RAB1A: variants seen among roughly 807,000 people sequenced by gnomAD.
RAB1A encodes ras-related protein Rab-1A.
In RAB1A, 2 loss-of-function variants were observed where a neutral mutation model predicts 26.0. That is an observed-to-expected ratio of 0.08 (90% confidence interval 0.03 to 0.24). The LOEUF (loss-of-function observed/expected upper bound fraction) is 0.24, where lower values mean the gene tolerates loss of function less well. RAB1A is among the 10% of genes least tolerant of loss of function. The pLI, the probability that RAB1A is intolerant of heterozygous loss-of-function variation, is 1.00. For missense variants in RAB1A, 100 were observed against 247.0 expected, an observed-to-expected ratio of 0.40 and a Z score of 3.99; for synonymous variants, 84 against 84.9, an observed-to-expected ratio of 0.99 and a Z score of 0.06.
At chr2:65,119,300 G>T (rs1020899768) in intron 1 of RAB1A, among the ~76,000 whole-genome samples, 39 of 152,168 alleles carry the variant, frequency 2.6e-4, no homozygotes, top group African/African-American at 7.7e-4. Context: ...GAGGTCAGGA[G>T]TTCGAGACCA....
chr2:65,101,070 C>G (rs919609015), intron 2 of RAB1A, among the ~76,000 whole-genome samples: 1 of 151,068 alleles, frequency 6.6e-6, no homozygotes, highest in Non-Finnish European at 1.5e-5. Flanking sequence ...CACTTGAACC[C>G]GGGAGGTGGG....
intron 3 of RAB1A, among the ~76,000 whole-genome samples, chr2:65,092,410 G>A (rs1459128044): frequency 6.6e-6 from 1 of 152,154 alleles, no homozygotes; most frequent in African/African-American, 2.4e-5. Flanking sequence ...TCACCTAACA[G>A]TTTCTTCATC....
Position 65,090,964 on chromosome 2 carries a change from A to C in RAB1A, c.288+19T>G. ...CTTCCTACTTGGTCACTGTAACACAATCTCCTCTTGGAACTTACCTGATCT... is the reference window on the plus strand; with the variant it reads ...CTTCCTACTTGGTCACTGTAACACACTCTCCTCTTGGAACTTACCTGATCT... On this transcript the variant is annotated intron_variant, in intron 4 of 5. Transcript: ENST00000409784. 1 of 1,557,662 alleles carries C rather than the reference A, an allele frequency of 6.4e-7. No homozygotes were observed. Among genetic ancestry groups the C allele is most frequent in the Non-Finnish European group, 8.8e-7 (1 of 1,134,142 alleles).
At chr2:65,090,293 AT>A (rs1321553669) in intron 4 of RAB1A, among the ~76,000 whole-genome samples, 1 of 152,112 alleles carries the variant, frequency 6.6e-6, no homozygotes, top group African/African-American at 2.4e-5. Context: ...GAGATTTAAC[AT>A]TTGCCAAAAG....
At chr2:65,116,744 A>AC (rs1669836922) in intron 1 of RAB1A, among the ~76,000 whole-genome samples, 1 of 152,258 alleles carries the variant, frequency 6.6e-6, no homozygotes, top group Non-Finnish European at 1.5e-5. Context: ...ATCTAAAGTT[A>AC]AAGTTTAAAA....
chr2:65,117,540 T>C (rs1281227040), intron 1 of RAB1A, among the ~76,000 whole-genome samples: 2 of 152,056 alleles, frequency 1.3e-5, no homozygotes, highest in Non-Finnish European at 2.9e-5. Flanking sequence ...AAAATGTTAG[T>C]GCCTAATTAC....
intron 2 of RAB1A, among the ~76,000 whole-genome samples, chr2:65,098,794 T>C (rs1295285101): frequency 6.6e-6 from 1 of 150,620 alleles, no homozygotes; most frequent in Non-Finnish European, 1.5e-5. Flanking sequence ...TTTAGCAGAA[T>C]GTTTTCAAGG....
chr2:65,087,262 G>C lies in RAB1A; in HGVS notation c.*1231C>G, dbSNP rs1669055568. ...CCTATTTCAGAAAATCTTCATATATGCAAAATGTCACCAAAATAAATACAT... is the reference window on the plus strand; with the variant it reads ...CCTATTTCAGAAAATCTTCATATATCCAAAATGTCACCAAAATAAATACAT... On this transcript the variant is annotated 3_prime_UTR_variant, in exon 6 of 6. Coordinates refer to ENST00000409784, the MANE Select transcript of RAB1A (RefSeq NM_004161.5). 1 of 152,544 alleles carries C rather than the reference G, an allele frequency of 6.6e-6. No individual in the cohort carries two copies. Among genetic ancestry groups the C allele is most frequent in the South Asian group, 2.1e-4 (1 of 4,834 alleles). 9.4% of individuals were successfully genotyped at this position (152,544 alleles called of 1,614,324 possible). A position where few individuals can be genotyped will look rare whatever the true frequency, so the allele number is the denominator to read the frequency against.
In RAB1A at chr2:65,125,401, G is replaced by C. The variant is rs74931908; in HGVS notation, c.23+4492C>G. 6.9e-3 allele frequency among the ~76,000 whole-genome samples: 1,030 copies of C among 149,314 alleles called. 13 individuals carry two copies. The highest frequency in any genetic ancestry group is 0.024 in the African/African-American group (965 of 40,754). On this transcript the variant is annotated intron_variant, in intron 1 of 5. Coordinates refer to ENST00000409784, the MANE Select transcript of RAB1A (RefSeq NM_004161.5). Reference sequence around the variant, plus strand: ...AAAAATGTTATGAGAATAATCACGAGAATAATGTTAAGTATTTCTTTCTTT... The same window carrying C: ...AAAAATGTTATGAGAATAATCACGACAATAATGTTAAGTATTTCTTTCTTT...
At chr2:65,110,289 A>G (rs1463260749) in intron 1 of RAB1A, among the ~76,000 whole-genome samples, 1 of 152,078 alleles carries the variant, frequency 6.6e-6, no homozygotes, top group Admixed American at 6.6e-5. Flanking sequence ...AAAATACAAA[A>G]AATTAGACGG....
intron 1 of RAB1A, among the ~76,000 whole-genome samples, chr2:65,122,491 G>A (rs1427290095): frequency 6.6e-6 from 1 of 152,032 alleles, no homozygotes; most frequent in Non-Finnish European, 1.5e-5. Context: ...CCGGCTAGGA[G>A]TTGGAGGCTA....
chr2:65,103,903 C>G (rs943656352), intron 2 of RAB1A, among the ~76,000 whole-genome samples: 1 of 152,038 alleles, frequency 6.6e-6, no homozygotes, highest in Admixed American at 6.6e-5. Context: ...CTCAGCCTCC[C>G]GAGTAGCTGG....
intron 1 of RAB1A, among the ~76,000 whole-genome samples, chr2:65,108,246 C>T (rs888208297): frequency 6.6e-6 from 1 of 151,158 alleles, no homozygotes; most frequent in Non-Finnish European, 1.5e-5. Context: ...CCTGTAATCC[C>T]AGCTACTCGG....
chr2:65,103,299 C>CCAAAAAAAAAAAAAAAAAAAAA (rs1280376062), intron 2 of RAB1A, among the ~76,000 whole-genome samples: 1 of 44,106 alleles, frequency 2.3e-5, no homozygotes, highest in African/African-American at 7.7e-5. Context: ...GAATCTGTCT[C>CCAAAAAAAAAAAAAAAAAAAAA]AAAAAAAAAA....
chr2:65,104,128 G>A (rs1449643042), intron 2 of RAB1A, among the ~76,000 whole-genome samples: 1 of 152,160 alleles, frequency 6.6e-6, no homozygotes, highest in East Asian at 1.9e-4. Flanking sequence ...GAAGGACACT[G>A]TGGATTCTGT....
At chr2:65,104,973 G>T (rs1157659709) in intron 1 of RAB1A, 167 bp from the exon 2 acceptor site, 1 of 737,678 alleles carries the variant, frequency 1.4e-6, no homozygotes, top group African/African-American at 1.7e-5. Flanking sequence ...CAGCCCTTCT[G>T]ACAGATCACT....
rs1024955525 is a variant in RAB1A at position 65,112,606 on chromosome 2, C to T, written c.24-7800G>A. ...GAACTGCTTGAATTTTATAATACTACGAGCAGATATTTTATTTTAATTTAA... is the reference window on the plus strand; with the variant it reads ...GAACTGCTTGAATTTTATAATACTATGAGCAGATATTTTATTTTAATTTAA... On this transcript the variant is annotated intron_variant, in intron 1 of 5. Coordinates refer to ENST00000409784, the MANE Select transcript of RAB1A (RefSeq NM_004161.5). Among the ~76,000 whole-genome samples the T allele has an allele frequency of 5.9e-5, 9 of 151,974 alleles. No individual in the cohort carries two copies. In the East Asian group the frequency reaches 1.2e-3, roughly 19 times the overall value.
At chr2:65,097,343 G>C (rs533360715) in intron 3 of RAB1A, among the ~76,000 whole-genome samples, 3 of 152,040 alleles carry the variant, frequency 2.0e-5, no homozygotes, top group Non-Finnish European at 4.4e-5. Flanking sequence ...TGGATAAGGG[G>C]GATAGGATGG....
At chr2:65,109,510 C>T (rs941431651) in intron 1 of RAB1A, among the ~76,000 whole-genome samples, 2 of 151,876 alleles carry the variant, frequency 1.3e-5, no homozygotes, top group Admixed American at 1.3e-4. Flanking sequence ...TCAAGACCAG[C>T]CTGACCAACA....
Sources: gnomAD v4.1 joint callset for allele counts (sites outside exome capture counted in the v4.1 genomes callset) on GRCh38, gnomAD v4.1.1 for gene constraint, MANE v1.5 for transcripts, NCBI Gene and HGNC (gene_info 2026-07-23, HGNC 2026-07-21) for gene names.